Variants in TMEM51 observed in about 807,000 individuals in gnomAD.
The protein encoded by TMEM51 is transmembrane protein 51, also known as chromosome 1 open reading frame 72.
Under a neutral mutation model 13.6 loss-of-function variants are expected in TMEM51, and 8 were observed. The ratio of observed to expected loss-of-function variants is 0.59; its 90% CI spans 0.35 to 1.07. TMEM51 has a LOEUF of 1.07. TMEM51 is among the 50% of genes least tolerant of loss of function. The pLI, the probability that TMEM51 is intolerant of heterozygous loss-of-function variation, is 0.02. For synonymous variants in TMEM51, 147 were observed against 144.4 expected, an observed-to-expected ratio of 1.02 and a Z score of -0.13; for missense variants, 279 against 330.7, an observed-to-expected ratio of 0.84 and a Z score of 1.21.
intron 1 of TMEM51, among the ~76,000 whole-genome samples, chr1:15,199,092 G>A (rs541757042): frequency 6.6e-6 from 1 of 151,926 alleles, no homozygotes; most frequent in African/African-American, 2.4e-5. Flanking sequence ...TGCCATGCTG[G>A]CTGTGAAGAA....
chr1:15,199,877 G>A (rs1022901984), intron 1 of TMEM51, among the ~76,000 whole-genome samples: 13 of 152,166 alleles, frequency 8.5e-5, no homozygotes, highest in African/African-American at 3.1e-4. Context: ...ACTTCTCTGC[G>A]AAGTGGGGAC....
At chr1:15,204,509 C>G (rs1338540157) in intron 1 of TMEM51, among the ~76,000 whole-genome samples, 1 of 152,192 alleles carries the variant, frequency 6.6e-6, no homozygotes, top group African/African-American at 2.4e-5. Flanking sequence ...GAGCCAAGAT[C>G]GCGCCACTGC....
chr1:15,202,957 TA>T (rs1209036923), intron 1 of TMEM51, among the ~76,000 whole-genome samples: 1 of 152,184 alleles, frequency 6.6e-6, no homozygotes, highest in Non-Finnish European at 1.5e-5. Flanking sequence ...TGGGCCTCTG[TA>T]AAGATTAATG....
chr1:15,188,379 C>G (rs1208361098), intron 1 of TMEM51, among the ~76,000 whole-genome samples: 1 of 152,252 alleles, frequency 6.6e-6, no homozygotes, highest in African/African-American at 2.4e-5. Flanking sequence ...AACTGATTGG[C>G]TAGGCCTGAC....
At chr1:15,209,552 A>G (rs1644303847) in intron 1 of TMEM51, among the ~76,000 whole-genome samples, 1 of 152,116 alleles carries the variant, frequency 6.6e-6, no homozygotes, top group East Asian at 1.9e-4. Flanking sequence ...TCTGTTCAAC[A>G]TTATGTTTGT....
At chr1:15,198,553 G>A (rs994087311) in intron 1 of TMEM51, among the ~76,000 whole-genome samples, 4 of 152,090 alleles carry the variant, frequency 2.6e-5, no homozygotes, top group Admixed American at 6.5e-5. Context: ...GAGTAGCTGG[G>A]ACTACAGGTG....
intron 1 of TMEM51, among the ~76,000 whole-genome samples, chr1:15,163,830 G>C (rs556328722): frequency 4.8e-5 from 7 of 144,988 alleles, no homozygotes; most frequent in East Asian, 2.2e-4. Context: ...CTTTTTTTGG[G>C]GGGGGGGAGG....
chr1:15,177,456 G>T lies in TMEM51; in HGVS notation c.-267+23502G>T, dbSNP rs145154318. ...AGGAACCAGGGGCCGGGGAGGATGG[G>T]CAGGGAGTGGAAGATGCTGCAGCAA... On this transcript the variant is annotated intron_variant, in intron 1 of 3. Coordinates refer to ENST00000376008, the MANE Select transcript of TMEM51 (RefSeq NM_001136218.2). 7.0e-4 allele frequency among the ~76,000 whole-genome samples: 107 copies of T among 152,272 alleles called. No homozygotes were observed. The East Asian group carries it at 0.018, about 26-fold the overall frequency.
intron 1 of TMEM51, among the ~76,000 whole-genome samples, chr1:15,182,022 G>A (rs935019708): frequency 4.6e-5 from 7 of 152,030 alleles, no homozygotes; most frequent in Non-Finnish European, 1.0e-4. Context: ...TTAGCTGGGC[G>A]TGGTGGTGTG....
intron 1 of TMEM51, among the ~76,000 whole-genome samples, chr1:15,181,296 A>T (rs117701068): frequency 1.3e-5 from 2 of 152,148 alleles, no homozygotes; most frequent in East Asian, 3.9e-4. Flanking sequence ...CTGCGAGGTC[A>T]CTCACCTGTC....
chr1:15,197,372 C>T (rs1171215246), intron 1 of TMEM51, among the ~76,000 whole-genome samples: 1 of 152,132 alleles, frequency 6.6e-6, no homozygotes, highest in Non-Finnish European at 1.5e-5. Context: ...GGTAAAACAA[C>T]AGCATCCTCT....
At chr1:15,165,043 C>T (rs191868157) in intron 1 of TMEM51, among the ~76,000 whole-genome samples, 55 of 152,224 alleles carry the variant, frequency 3.6e-4, no homozygotes, top group Middle Eastern at 3.4e-3. Flanking sequence ...CCTTGTGATC[C>T]GCCCACCTCG....
chr1:15,175,557 T>C (rs1345062135), intron 1 of TMEM51, among the ~76,000 whole-genome samples: 1 of 152,220 alleles, frequency 6.6e-6, no homozygotes, highest in Non-Finnish European at 1.5e-5. Context: ...CTCATGTGGC[T>C]AATAAAGACA....
chr1:15,171,401 G>T, intron 1 of TMEM51: 1 of 1,167,616 alleles, frequency 8.6e-7, no homozygotes, highest in Non-Finnish European at 1.1e-6. Context: ...GAGTTGCCGG[G>T]GACCAGGGGC....
intron 2 of TMEM51, among the ~76,000 whole-genome samples, chr1:15,213,464 AT>A (rs1197035281): frequency 6.6e-6 from 1 of 152,148 alleles, no homozygotes; most frequent in Non-Finnish European, 1.5e-5. Context: ...CATCTTGTAA[AT>A]TTTACTGTTT....
chr1:15,168,812 C>T (rs549714575), intron 1 of TMEM51: 5 of 1,280,816 alleles, frequency 3.9e-6, no homozygotes, highest in Non-Finnish European at 5.1e-6. Flanking sequence ...AGGGGAATTC[C>T]TGGGAGTCAG....
intron 1 of TMEM51, among the ~76,000 whole-genome samples, chr1:15,167,579 G>A (rs1381097624): frequency 6.6e-6 from 1 of 152,130 alleles, no homozygotes; most frequent in African/African-American, 2.4e-5. Flanking sequence ...GTTTGTATGT[G>A]AGTGTATGTT....
chr1:15,200,030 T>C (rs1165897146), intron 1 of TMEM51, among the ~76,000 whole-genome samples: 1 of 152,182 alleles, frequency 6.6e-6, no homozygotes, highest in Non-Finnish European at 1.5e-5. Flanking sequence ...AAATGTGGGC[T>C]GGATTGCGTC....
chr1:15,192,032 C>A, intron 1 of TMEM51: 1 of 530,040 alleles, frequency 1.9e-6, no homozygotes, highest in Non-Finnish European at 3.9e-6. Context: ...TTTGAAATGC[C>A]ATACGTGATG....
Sources: gnomAD v4.1 joint callset for allele counts (sites outside exome capture counted in the v4.1 genomes callset) on GRCh38, gnomAD v4.1.1 for gene constraint, MANE v1.5 for transcripts, NCBI Gene and HGNC (gene_info 2026-07-23, HGNC 2026-07-21) for gene names.